Variants in C16orf96 observed in about 807,000 individuals in gnomAD.
C16orf96 encodes the protein chromosome 16 open reading frame 96, also known as uncharacterized protein C16orf96.
C16orf96 carries 108 observed loss-of-function variants against 103.6 expected under a neutral mutation model. That is an observed-to-expected ratio of 1.04 (90% confidence interval 0.89 to 1.22). The LOEUF is 1.22. Among genes scored for constraint, C16orf96 ranks in the 50% most tolerant of loss-of-function variants. The pLI is 0.00. For synonymous variants in C16orf96, 566 were observed against 593.5 expected, an observed-to-expected ratio of 0.95 and a Z score of 0.67; for missense variants, 1,586 against 1,464.2, an observed-to-expected ratio of 1.08 and a Z score of -1.36.
At chr16:4,591,024 C>G (rs765234550) in intron 9 of C16orf96, among the ~76,000 whole-genome samples, 12 of 147,600 alleles carry the variant, frequency 8.1e-5, no homozygotes, top group African/African-American at 2.5e-4. Flanking sequence ...AAGAGCGAAA[C>G]TCCCTCTCAA....
chr16:4,547,609 C>T, the C16orf96 span, among the ~76,000 whole-genome samples: 1,901 of 151,546 alleles, frequency 0.013, 23 homozygotes, highest in Admixed American at 0.021. Flanking sequence ...CTCTTTCCTT[C>T]CTTTCTTTCT....
chr16:4,576,457 C>T lies in C16orf96; in HGVS notation c.1977C>T (p.Pro659=), dbSNP rs376762451. 318 of 1,551,404 alleles carry T rather than the reference C, an allele frequency of 2.0e-4. No individual in the cohort carries two copies. Among genetic ancestry groups the T allele is most frequent in the African/African-American group, 9.0e-4 (66 of 73,184 alleles). ...SPSYSAASIG[P]DPALSQAMVA... is the part of the protein sequence containing the mutation. Reference sequence around the variant, plus strand: ...CCTACTCTGCTGCCAGCATCGGTCCCGATCCAGCCCTGTCCCAGGCCATGG... The same window carrying T: ...CCTACTCTGCTGCCAGCATCGGTCCTGATCCAGCCCTGTCCCAGGCCATGG... Residue 659 remains proline (P), a synonymous_variant, in exon 5 of 16, where the codon CCC becomes CCT. Coordinates refer to ENST00000444310, the MANE Select transcript of C16orf96 (RefSeq NM_001145011.2).
chr16:4,581,362 G>A lies in C16orf96; in HGVS notation c.2352+1237G>A, dbSNP rs550049509. On this transcript the variant is annotated intron_variant, in intron 7 of 15. Transcript: ENST00000444310. ...AAAAAAAATAAAAAGGGCCAGGCGC[G>A]GTGGCTCACGCCTGTAATCCCAGCA... Among the ~76,000 whole-genome samples, 367 of 148,372 alleles carry A rather than the reference G, an allele frequency of 2.5e-3. 3 individuals carry two copies. Among genetic ancestry groups the A allele is most frequent in the Non-Finnish European group, 4.7e-3 (313 of 66,748 alleles).
chr16:4,574,958 C>T lies in C16orf96; in HGVS notation c.607-14C>T, dbSNP rs975878059. On this transcript the variant is annotated splice_polypyrimidine_tract_variant and intron_variant, in intron 3 of 15. Transcript: ENST00000444310. ...CCAGGCTCACAGCCCTCATTTTCTA[C>T]CCCCACCTTGCAGGCTTCTCTCCAG... 1 of 1,550,734 alleles carries T rather than the reference C, an allele frequency of 6.4e-7. No individual in the cohort carries two copies. The highest frequency in any genetic ancestry group is 8.7e-7 in the Non-Finnish European group (1 of 1,146,454).
chr16:4,546,118 G>T, the C16orf96 span, among the ~76,000 whole-genome samples: 3 of 151,508 alleles, frequency 2.0e-5, no homozygotes, highest in African/African-American at 7.3e-5. Flanking sequence ...AAAGTACGGG[G>T]ATTACAGGAA....
chr16:4,591,580 C>T, intron 9 of C16orf96, 86 bp from the exon 10 acceptor site: 3 of 1,092,246 alleles, frequency 2.7e-6, no homozygotes, highest in Admixed American at 2.0e-5. Context: ...GTGTAACTTC[C>T]CAGGTTGCTG....
intron 1 of C16orf96, among the ~76,000 whole-genome samples, chr16:4,567,038 A>G (rs550408053): frequency 6.6e-6 from 1 of 151,354 alleles, no homozygotes; most frequent in East Asian, 2.0e-4. Flanking sequence ...TCTTATTTCT[A>G]TTTGTTTTAG....
Position 4,581,183 on chromosome 16 carries a change from T to A in C16orf96, c.2352+1058T>A, listed in dbSNP as rs930967152. On this transcript the variant is annotated intron_variant, in intron 7 of 15. Coordinates refer to ENST00000444310, the MANE Select transcript of C16orf96 (RefSeq NM_001145011.2). The stretch of plus-strand genomic sequence containing the variant: ...ATATATATATATATATATATATATA[T>A]AATTAGCCAGGCGTAGTGGCACACA... 3.3e-3 allele frequency among the ~76,000 whole-genome samples: 388 copies of A among 118,260 alleles called. 2 individuals carry two copies. The highest frequency in any genetic ancestry group is 8.4e-3 in the Admixed American group (92 of 10,976). 77.6% of individuals were successfully genotyped at this position (118,260 alleles called of 152,430 possible).
At chr16:4,550,966 A>G in the C16orf96 span, among the ~76,000 whole-genome samples, 1 of 152,214 alleles carries the variant, frequency 6.6e-6, no homozygotes, top group Admixed American at 6.5e-5. Context: ...AGATTCCCAG[A>G]ACTTTGATAC....
At chr16:4,550,329 C>T in the C16orf96 span, among the ~76,000 whole-genome samples, 2 of 152,074 alleles carry the variant, frequency 1.3e-5, no homozygotes, top group Non-Finnish European at 2.9e-5. Context: ...ACGTGATCCG[C>T]CCATCTCAGC....
intron 7 of C16orf96, among the ~76,000 whole-genome samples, chr16:4,582,213 C>T (rs553615781): frequency 4.0e-4 from 61 of 151,970 alleles, no homozygotes; most frequent in African/African-American, 1.4e-3. Context: ...ACCCGGGAGG[C>T]GGAGGTTGCA....
intron 7 of C16orf96, among the ~76,000 whole-genome samples, chr16:4,585,330 A>C: frequency 1.4e-5 from 2 of 143,088 alleles, no homozygotes; most frequent in Admixed American, 7.2e-5. Flanking sequence ...AGGTGGTGTC[A>C]CCTGCAGTCC....
intron 9 of C16orf96, among the ~76,000 whole-genome samples, chr16:4,589,601 C>CAA (rs112131978): frequency 6.6e-5 from 7 of 106,554 alleles, no homozygotes; most frequent in South Asian, 2.9e-4. Flanking sequence ...CCCTATCTCA[C>CAA]AAAAAAAAAA....
chr16:4,600,112 G>A lies in C16orf96; in HGVS notation c.3221G>A (p.Arg1074His), dbSNP rs1280527626. Residue 1074 changes from arginine (R) to histidine (H), a missense_variant, in exon 16 of 16, where the codon CGC becomes CAC. By Grantham distance (29) the Arg-to-His change is conservative. Transcript: ENST00000444310. ...FGAICPPLCP[R>H]SSACSAASGP... ...TGCCCCTCCCCAGCCCTGTGCCCCC[G>A]CTCCAGTGCCTGCTCAGCTGCCTCG... 13 of 1,550,996 alleles carry A rather than the reference G, an allele frequency of 8.4e-6. No individual in the cohort carries two copies. Among genetic ancestry groups the A allele is most frequent in the Non-Finnish European group, 1.1e-5 (13 of 1,147,038 alleles).
intron 1 of C16orf96, among the ~76,000 whole-genome samples, chr16:4,569,694 T>C (rs1177142083): frequency 1.9e-5 from 2 of 103,794 alleles, no homozygotes; most frequent in African/African-American, 5.5e-5. Flanking sequence ...AGTGAGACTC[T>C]GTCTCAAAAA....
chr16:4,599,271 C>CT lies in C16orf96; in HGVS notation c.3128-9dup. ...GATGCCACCCACACCTGTCTCTTTT[C>CT]TTTTCTGCTAAGCTGTGAAGGCTCC... On this transcript the variant is annotated splice_polypyrimidine_tract_variant and intron_variant, in intron 14 of 15. Transcript: ENST00000444310. 1 of 1,551,152 alleles carries CT rather than the reference C, an allele frequency of 6.4e-7. No individual in the cohort carries two copies. The highest frequency in any genetic ancestry group is 8.7e-7 in the Non-Finnish European group (1 of 1,146,578).
At chr16:4,570,414 C>T (rs2059425155) in intron 1 of C16orf96, among the ~76,000 whole-genome samples, 1 of 149,966 alleles carries the variant, frequency 6.7e-6, no homozygotes, top group African/African-American at 2.4e-5. Context: ...TAGTTTGGCC[C>T]TCTGAGTGGA....
At chr16:4,594,927 C>G in intron 14 of C16orf96, 124 bp downstream of exon 14, 6 of 1,065,174 alleles carry the variant, frequency 5.6e-6, no homozygotes, top group Non-Finnish European at 8.1e-6. Flanking sequence ...CTCACACAGT[C>G]AGTCACAAAA....
rs2059499085 is a variant in C16orf96 at position 4,575,852 on chromosome 16, G to C, written c.1372G>C (p.Gly458Arg). The C allele has an allele frequency of 6.4e-7, 1 of 1,551,352 alleles. No individual in the cohort carries two copies. Among genetic ancestry groups the C allele is most frequent in the Non-Finnish European group, 8.7e-7 (1 of 1,146,992 alleles). The change falls in exon 5 of 16, where the codon GGG (glycine) becomes CGG (arginine). Residue 458 changes from glycine (G) to arginine (R), a missense_variant. Gly to Arg is a moderately radical substitution (Grantham distance 125). Coordinates refer to ENST00000444310, the MANE Select transcript of C16orf96 (RefSeq NM_001145011.2). ...CCAGCTCGCAGCTGTCCAAGTAAAG[G>C]GGGAGGAAAATGATGTCCCCAGCCT... The part of the protein sequence containing the change: ...ALQLAAVQVK[G>R]EENDVPSLRG...
Sources: gnomAD v4.1 joint callset for allele counts (sites outside exome capture counted in the v4.1 genomes callset) on GRCh38, gnomAD v4.1.1 for gene constraint, MANE v1.5 for transcripts, NCBI Gene and HGNC (gene_info 2026-07-23, HGNC 2026-07-21) for gene names.